Variants in AGAP5 observed in about 807,000 individuals in gnomAD.
The protein encoded by AGAP5 is arf-GAP with GTPase, ANK repeat and PH domain-containing protein 5.
In AGAP5, 8 loss-of-function variants were observed where a neutral mutation model predicts 27.7. That is an observed-to-expected ratio of 0.29 (90% CI 0.17 to 0.52). AGAP5 has a LOEUF of 0.52. AGAP5 is among the 20% of genes least tolerant of loss of function. The pLI is 0.97. For synonymous variants in AGAP5, 111 were observed against 338.0 expected, an observed-to-expected ratio of 0.33 and a Z score of 7.37; for missense variants, 285 against 880.8, an observed-to-expected ratio of 0.32 and a Z score of 8.56.
In AGAP5 at chr10:73,675,075, T is replaced by G; in HGVS notation, c.1585A>C (p.Arg529=). The G allele has an allele frequency of 6.2e-7, 1 of 1,611,678 alleles. No homozygotes were observed. The highest frequency in any genetic ancestry group is 1.3e-5 in the African/African-American group (1 of 74,816). Residue 529 remains arginine, a synonymous_variant, in exon 8 of 8, where the codon AGG becomes CGG. Coordinates refer to ENST00000374094, the MANE Select transcript of AGAP5 (RefSeq NM_001144000.4). Reference sequence around the variant, plus strand: ...TTGCCAATAGATGACATAACCTTCCTGAGCTCAACTGGCCAGTCATCCAGC... The same window carrying G: ...TTGCCAATAGATGACATAACCTTCCGGAGCTCAACTGGCCAGTCATCCAGC... ...LELDDWPVEL[R]KVMSSIGNDL...
rs544611137 is a variant in AGAP5, at chr10:73,688,760, T to C, written c.396+3283A>G. 9.2e-5 allele frequency among the ~76,000 whole-genome samples: 14 copies of C among 152,146 alleles called. 2 individuals carry two copies. In the South Asian group the frequency reaches 2.9e-3, roughly 32 times the overall value. ...AAGAAGAGATAGTCTGCAGGTTTAG[T>C]AGCCTCAATAAAATGAAAAGATCCC... On this transcript the variant is annotated intron_variant, in intron 4 of 7. Transcript: ENST00000374094.
chr10:73,697,428 T>C (rs1321849559), intron 1 of AGAP5, 105 bp downstream of exon 1: 7 of 1,595,460 alleles, frequency 4.4e-6, no homozygotes, highest in African/African-American at 1.3e-5. Flanking sequence ...GAAAGCTGGC[T>C]ACAAGCAGAA....
chr10:73,690,842 G>C (rs955310028), intron 4 of AGAP5, among the ~76,000 whole-genome samples: 2 of 152,140 alleles, frequency 1.3e-5, no homozygotes, highest in Admixed American at 6.5e-5. Context: ...ACTTTAAGGA[G>C]TTAGCCCAGA....
chr10:73,693,426 G>A (rs188806112), intron 3 of AGAP5, among the ~76,000 whole-genome samples: 29 of 152,162 alleles, frequency 1.9e-4, no homozygotes, highest in Admixed American at 1.2e-3. Flanking sequence ...GGCCAGGTGC[G>A]GTGGCTGAAG....
At chr10:73,691,605 G>A (rs2082119755) in intron 4 of AGAP5, among the ~76,000 whole-genome samples, 1 of 150,790 alleles carries the variant, frequency 6.6e-6, no homozygotes, top group Admixed American at 6.7e-5. Flanking sequence ...TGATTCTCCT[G>A]CCTCAGCCTC....
rs1165042582 is a variant in AGAP5, at chr10:73,676,306, AAAG to A, written c.586-235_586-233del. Among the ~76,000 whole-genome samples the A allele has an allele frequency of 1.1e-3, 158 of 139,642 alleles. 2 individuals carry two copies. Among genetic ancestry groups the A allele is most frequent in the African/African-American group, 4.0e-3 (155 of 39,036 alleles). The allele number at this position is 139,642 out of a possible 152,430, so 91.6% of individuals were successfully genotyped here. On this transcript the variant is annotated intron_variant, in intron 7 of 7. Coordinates refer to ENST00000374094, the MANE Select transcript of AGAP5 (RefSeq NM_001144000.4). ...CCTGTCTTTACAAAAAAAAAAAAAAAAAGAAAAGAAAAAAGAAAAAAAAATTAG... is the reference window on the plus strand; with the variant it reads ...CCTGTCTTTACAAAAAAAAAAAAAAAAAAAGAAAAAAGAAAAAAAAATTAG...
Position 73,697,652 on chromosome 10 carries a change from C to G in AGAP5, c.104G>C (p.Gly35Ala), listed in dbSNP as rs755486531. 6 of 1,603,286 alleles carry G rather than the reference C, an allele frequency of 3.7e-6. No individual in the cohort carries two copies. The highest frequency in any genetic ancestry group is 5.1e-6 in the Non-Finnish European group (6 of 1,179,862). ...CGCTCCTGCCATCCTGTCCCCAGCT[C>G]CTGCCTCATAGATCTCAGATTCAGA... The part of the protein sequence containing the change: ...CPSESEIYEA[G>A]AGDRMAGAPM... Residue 35 changes from glycine to alanine, a missense_variant, in exon 1 of 8, where the codon GGA (glycine) becomes GCA (alanine). Physicochemically the swap from Gly to Ala is moderately conservative, Grantham distance 60 (BLOSUM62 0). Coordinates refer to ENST00000374094, the MANE Select transcript of AGAP5 (RefSeq NM_001144000.4).
At position 73,690,518 on chromosome 10, in the gene AGAP5, C is replaced by T. The variant is rs569168055; in HGVS notation, c.396+1525G>A. Among the ~76,000 whole-genome samples, 285 of 151,032 alleles carry T rather than the reference C, an allele frequency of 1.9e-3. 2 individuals are homozygous for T. Among genetic ancestry groups the T allele is most frequent in the African/African-American group, 6.7e-3 (275 of 41,092 alleles). On this transcript the variant is annotated intron_variant, in intron 4 of 7. Transcript: ENST00000374094. The stretch of plus-strand genomic sequence containing the variant: ...CCTAGGAAAACCAGAGACCTTTGTT[C>T]ACTTGTTTATCTGCTGACCTTCCCT...
chr10:73,688,177 CTG>C (rs983210684), intron 4 of AGAP5, among the ~76,000 whole-genome samples: 1 of 152,202 alleles, frequency 6.6e-6, no homozygotes, highest in Non-Finnish European at 1.5e-5. Context: ...ATAAAGAAAA[CTG>C]TACACCAAAA....
intron 5 of AGAP5, chr10:73,681,730 T>G (rs1342816465): frequency 1.8e-6 from 1 of 550,936 alleles, no homozygotes; most frequent in Non-Finnish European, 2.3e-6. Flanking sequence ...TCTTTGGAAC[T>G]CAGAAGAAGC....
At chr10:73,691,179 T>C (rs1330480219) in intron 4 of AGAP5, among the ~76,000 whole-genome samples, 2 of 152,174 alleles carry the variant, frequency 1.3e-5, no homozygotes, top group African/African-American at 4.8e-5. Context: ...TCCAGAAGAA[T>C]TGCAGAAGTG....
intron 6 of AGAP5, 144 bp from the exon 7 acceptor site, chr10:73,676,914 C>G: frequency 1.3e-6 from 1 of 747,052 alleles, no homozygotes; most frequent in Non-Finnish European, 2.2e-6. Flanking sequence ...TCCTGACTTG[C>G]AGAGGGTTTC....
At chr10:73,691,492 CTTT>C (rs770330986) in intron 4 of AGAP5, among the ~76,000 whole-genome samples, 9 of 132,870 alleles carry the variant, frequency 6.8e-5, no homozygotes, top group African/African-American at 1.1e-4. Context: ...ATTTAAGGCA[CTTT>C]TTTTTTTTTT....
intron 6 of AGAP5, 104 bp from the exon 7 acceptor site, chr10:73,676,874 A>C (rs1053492504): frequency 1.3e-6 from 1 of 750,858 alleles, no homozygotes; most frequent in Non-Finnish European, 2.2e-6. Flanking sequence ...TTACTTTACC[A>C]AAGCAGTTTT....
At chr10:73,689,189 C>G (rs1466893403) in intron 4 of AGAP5, among the ~76,000 whole-genome samples, 2 of 152,272 alleles carry the variant, frequency 1.3e-5, no homozygotes, top group Non-Finnish European at 2.9e-5. Flanking sequence ...GGGTTTCGCT[C>G]TGTTGGCCGG....
At chr10:73,692,635 T>TA (rs2082129081) in intron 3 of AGAP5, among the ~76,000 whole-genome samples, 1 of 25,948 alleles carries the variant, frequency 3.9e-5, no homozygotes, top group Non-Finnish European at 1.4e-4. Context: ...TATCTTAAAT[T>TA]TTTTTTTTTT....
At chr10:73,686,670 T>C (rs1375564735) in intron 4 of AGAP5, among the ~76,000 whole-genome samples, 1 of 152,096 alleles carries the variant, frequency 6.6e-6, no homozygotes, top group East Asian at 1.9e-4. Flanking sequence ...TTATCCAGAA[T>C]CTATGAGGAA....
intron 6 of AGAP5, among the ~76,000 whole-genome samples, chr10:73,677,877 C>T (rs538618143): frequency 6.6e-6 from 1 of 152,162 alleles, no homozygotes; most frequent in African/African-American, 2.4e-5. Flanking sequence ...TTAGTAGTCC[C>T]TTTCACTGTC....
In AGAP5 at chr10:73,675,608, G is replaced by C. The variant is rs2081971767; in HGVS notation, c.1052C>G (p.Ala351Gly). ...PGKWPSLATSACAPISSSKSN... is the reference protein window; with the variant it reads ...PGKWPSLATSGCAPISSSKSN... ...TTTAGAGCTGGAGATGGGTGCACAG[G>C]CCGATGTGGCTAGGGATGGCCACTT... Residue 351 changes from alanine (A) to glycine (G), a missense_variant, in exon 8 of 8, where the codon GCC (alanine) becomes GGC (glycine). Transcript: ENST00000374094. The C allele has an allele frequency of 6.2e-7, 1 of 1,614,284 alleles. No individual in the cohort carries two copies. Among genetic ancestry groups the C allele is most frequent in the Non-Finnish European group, 8.5e-7 (1 of 1,180,046 alleles).
Sources: allele counts gnomAD v4.1 joint callset (sites outside exome capture counted in the v4.1 genomes callset), GRCh38; gene constraint gnomAD v4.1.1; transcripts MANE v1.5; gene names NCBI Gene and HGNC (gene_info 2026-07-23, HGNC 2026-07-21).